Variants in BCAS3 observed in about 807,000 individuals in gnomAD.
The protein encoded by BCAS3 is BCAS4/BCAS3 fusion.
BCAS3 carries 53 observed loss-of-function variants against 116.1 expected under a neutral mutation model. That is an observed-to-expected ratio of 0.46 (90% CI 0.37 to 0.57). The LOEUF (loss-of-function observed/expected upper bound fraction) is 0.57. BCAS3 is among the 20% of genes least tolerant of loss of function. BCAS3 has a pLI of 0.00. For missense variants in BCAS3, 917 were observed against 1,165.4 expected, an observed-to-expected ratio of 0.79 and a Z score of 3.10; for synonymous variants, 391 against 408.2, an observed-to-expected ratio of 0.96 and a Z score of 0.51.
At chr17:61,271,150 T>C (rs1051815382) in intron 22 of BCAS3, among the ~76,000 whole-genome samples, 9 of 133,896 alleles carry the variant, frequency 6.7e-5, no homozygotes, top group Non-Finnish European at 9.5e-5. Flanking sequence ...TTTTTTGAAA[T>C]GGAGTCTCGC....
chr17:60,826,847 A>G (rs960559565), intron 7 of BCAS3, among the ~76,000 whole-genome samples: 2 of 152,220 alleles, frequency 1.3e-5, no homozygotes, highest in African/African-American at 4.8e-5. Flanking sequence ...AGAAGCCCAC[A>G]AAACAAATAC....
Position 61,189,313 on chromosome 17 carries a change from G to A in BCAS3, c.2425+104749G>A, listed in dbSNP as rs568394754. ...AAGTGAAGGCACAGTAGCAAGAGAA[G>A]CCATGGTATATTCAAAGAGCTCATA... On this transcript the variant is annotated intron_variant, in intron 22 of 23. Transcript: ENST00000407086. This position sits in a 1 kb window ranked among gnomAD's most constrained non-coding sequence, Gnocchi z 4.5. Among the ~76,000 whole-genome samples, 146 of 152,298 alleles carry A rather than the reference G, an allele frequency of 9.6e-4. No homozygotes were observed. Among genetic ancestry groups the A allele is most frequent in the African/African-American group, 3.2e-3 (134 of 41,564 alleles).
At position 61,248,337 on chromosome 17, in the gene BCAS3, T is replaced by C. The variant is rs146366675; in HGVS notation, c.2426-119990T>C. ...GTTTTCTGTCTTGGGTAAAGGAATA[T>C]ATTTGTGAATTGTGGCTGATACTAC... is the stretch of plus-strand genomic sequence containing the variant. On this transcript the variant is annotated intron_variant, in intron 22 of 23. Coordinates refer to ENST00000407086, the MANE Select transcript of BCAS3 (RefSeq NM_017679.5). The surrounding 1 kb of genome is among the most constrained non-coding windows in gnomAD (Gnocchi z 4.3). Among the ~76,000 whole-genome samples, 11 of 152,324 alleles carry C rather than the reference T, an allele frequency of 7.2e-5. No individual in the cohort carries two copies. In the East Asian group the frequency reaches 1.9e-3, roughly 27 times the overall value.
intron 14 of BCAS3, among the ~76,000 whole-genome samples, chr17:60,974,360 AT>A (rs921574939): frequency 6.6e-6 from 1 of 152,136 alleles, no homozygotes; most frequent in Non-Finnish European, 1.5e-5. Flanking sequence ...TTGTGAATTA[AT>A]TTTTTTAAGT....
At chr17:60,746,358 T>C (rs963975918) in intron 5 of BCAS3, among the ~76,000 whole-genome samples, 10 of 152,152 alleles carry the variant, frequency 6.6e-5, no homozygotes, top group African/African-American at 2.4e-4. Flanking sequence ...AGTGCTTCAA[T>C]GAGCAGTTTG....
At position 60,886,844 on chromosome 17, in the gene BCAS3, T is replaced by A. The variant is rs1198127102; in HGVS notation, c.662-2851T>A. 8.5e-4 allele frequency among the ~76,000 whole-genome samples: 128 copies of A among 151,030 alleles called. 2 individuals are homozygous for A. Among genetic ancestry groups the A allele is most frequent in the Middle Eastern group, 6.8e-3 (2 of 292 alleles). On this transcript the variant is annotated intron_variant, in intron 9 of 23. Coordinates refer to ENST00000407086, the MANE Select transcript of BCAS3 (RefSeq NM_017679.5). ...CGTGCTGGGAGAACCACTGCTCTCT[T>A]CAAAGCTGTCAGACAGGGACATTTA...
chr17:60,848,325 A>G (rs2052710357), intron 7 of BCAS3, among the ~76,000 whole-genome samples: 1 of 152,166 alleles, frequency 6.6e-6, no homozygotes, highest in Non-Finnish European at 1.5e-5. Flanking sequence ...CATTTCTGCA[A>G]AAAAGGCCAC....
intron 14 of BCAS3, among the ~76,000 whole-genome samples, chr17:60,950,743 C>T (rs185685432): frequency 5.9e-5 from 9 of 152,238 alleles, no homozygotes; most frequent in East Asian, 1.9e-4. Flanking sequence ...ATCTGCAGAG[C>T]GTTAATTGTT....
rs2059974840 is a variant in BCAS3 at position 61,388,682 on chromosome 17, C to T, written c.2594-3295C>T. On this transcript the variant is annotated intron_variant, in intron 23 of 23. Transcript: ENST00000407086. The surrounding 1 kb of genome is among the most constrained non-coding windows in gnomAD (Gnocchi z 6.5). ...GCGTCCGTGAGCAACCCAACAGTAA[C>T]AAAGCATGCGTTCGGGATGGAGGAA... 8 of 1,550,352 alleles carry T rather than the reference C, an allele frequency of 5.2e-6. No homozygotes were observed. Among genetic ancestry groups the T allele is most frequent in the Non-Finnish European group, 6.9e-6 (8 of 1,155,800 alleles).
Position 60,830,148 on chromosome 17 carries a change from C to T in BCAS3, c.476+22072C>T, listed in dbSNP as rs140722876. On this transcript the variant is annotated intron_variant, in intron 7 of 23. Transcript: ENST00000407086. Reference sequence around the variant, plus strand: ...CTGGGATTACAGGTGAATACCACCACGCCCGGCTAATTTTGTATTTTTAGT... The same window carrying T: ...CTGGGATTACAGGTGAATACCACCATGCCCGGCTAATTTTGTATTTTTAGT... Among the ~76,000 whole-genome samples the T allele has an allele frequency of 5.0e-3, 760 of 152,246 alleles. 4 individuals are homozygous for T. The highest frequency in any genetic ancestry group is 0.018 in the African/African-American group (730 of 41,550).
chr17:61,149,309 G>GCTTTT (rs2077416171), intron 22 of BCAS3, among the ~76,000 whole-genome samples: 1 of 151,992 alleles, frequency 6.6e-6, no homozygotes, highest in African/African-American at 2.4e-5. Context: ...TAAAAAGCTG[G>GCTTTT]TTCCATAGCA....
At chr17:60,771,915 A>G (rs1169553388) in intron 6 of BCAS3, among the ~76,000 whole-genome samples, 3 of 152,168 alleles carry the variant, frequency 2.0e-5, no homozygotes, top group African/African-American at 4.8e-5. Context: ...ATAGTATTCC[A>G]TGGTATATAT....
chr17:60,805,464 G>A lies in BCAS3; in HGVS notation c.404-2540G>A, dbSNP rs141534488. On this transcript the variant is annotated intron_variant, in intron 6 of 23. Transcript: ENST00000407086. ...ACTGACATAAGATAAATTAACAGGA[G>A]AAAAGCATACAAATTTTTATTTCAT... 2.7e-3 allele frequency among the ~76,000 whole-genome samples: 404 copies of A among 152,290 alleles called. 4 individuals are homozygous for A. The highest frequency in any genetic ancestry group is 9.4e-3 in the African/African-American group (392 of 41,556).
chr17:60,740,147 GTC>G (rs2041388497), intron 5 of BCAS3, among the ~76,000 whole-genome samples: 1 of 151,966 alleles, frequency 6.6e-6, no homozygotes, highest in African/African-American at 2.4e-5. Flanking sequence ...TGCTTGTTGA[GTC>G]TCTTCAGATT....
In BCAS3 at chr17:61,302,717, C is replaced by A. The variant is rs541802803; in HGVS notation, c.2426-65610C>A. On this transcript the variant is annotated intron_variant, in intron 22 of 23. Transcript: ENST00000407086. The surrounding 1 kb of genome is among the most constrained non-coding windows in gnomAD (Gnocchi z 4.4). ...TCAGCTTTGAAAGAACAGACAACCC[C>A]ACTTTATCTGATCCTTCATTTACAA... Among the ~76,000 whole-genome samples, 2 of 152,176 alleles carry A rather than the reference C, an allele frequency of 1.3e-5. No individual in the cohort carries two copies. Among genetic ancestry groups the A allele is most frequent in the South Asian group, 4.2e-4 (2 of 4,806 alleles).
chr17:60,810,132 A>G, intron 7 of BCAS3: 1 of 360,946 alleles, frequency 2.8e-6, no homozygotes, highest in Non-Finnish European at 5.5e-6. Context: ...GAAAAGCCTG[A>G]GTCCTGTCCT....
At chr17:60,894,809 T>A (rs534471323) in intron 10 of BCAS3, among the ~76,000 whole-genome samples, 14 of 152,346 alleles carry the variant, frequency 9.2e-5, no homozygotes, top group African/African-American at 3.4e-4. Flanking sequence ...CTTTTTCTTG[T>A]ATCTATTGAG....
chr17:60,833,968 T>C (rs2051158126), intron 7 of BCAS3, among the ~76,000 whole-genome samples: 1 of 152,142 alleles, frequency 6.6e-6, no homozygotes, highest in Non-Finnish European at 1.5e-5. Context: ...TTTGGTGCAA[T>C]TTAAGTTATA....
intron 10 of BCAS3, among the ~76,000 whole-genome samples, chr17:60,895,357 A>G (rs1599510046): frequency 6.6e-6 from 1 of 152,072 alleles, no homozygotes; most frequent in Non-Finnish European, 1.5e-5. Flanking sequence ...ATAGCTTTTT[A>G]TAATAGTTTG....
Sources: allele counts gnomAD v4.1 joint callset (sites outside exome capture counted in the v4.1 genomes callset), GRCh38; gene constraint gnomAD v4.1.1; non-coding constraint Gnocchi (gnomAD v3.1); transcripts MANE v1.5; gene names NCBI Gene and HGNC (gene_info 2026-07-23, HGNC 2026-07-21).